The following HEPH variants were observed in gnomAD, a reference collection of about 807,000 sequenced individuals.
The protein encoded by HEPH is hephaestin.
A neutral mutation model predicts 80.8 loss-of-function variants in HEPH; 69 were observed. The ratio of observed to expected loss-of-function variants is 0.85; its 90% CI spans 0.70 to 1.04. HEPH has a LOEUF of 1.04. HEPH is among the 50% of genes least tolerant of loss of function. The pLI is 0.00. For synonymous variants in HEPH, 431 were observed against 322.8 expected (o/e 1.34, Z -3.60); for missense variants, 1,115 against 891.3 (o/e 1.25, Z -3.20).
intron 19 of HEPH, among the ~76,000 whole-genome samples, chrX:66,260,958 G>T (rs2091340979): frequency 9.0e-6 from 1 of 110,891 alleles, no homozygotes; most frequent in African/African-American, 3.3e-5. Context: ...GTAGAGAAGG[G>T]GGTCTACCTA....
chrX:66,207,810 C>G (rs1047044949), intron 14 of HEPH, among the ~76,000 whole-genome samples: 9 of 111,445 alleles, frequency 8.1e-5, no homozygotes, highest in African/African-American at 2.9e-4. Context: ...GTCAATGATT[C>G]CACAGCACCT....
intron 15 of HEPH, among the ~76,000 whole-genome samples, chrX:66,223,468 C>G (rs1313116631): frequency 9.0e-6 from 1 of 111,629 alleles, no homozygotes; most frequent in Non-Finnish European, 1.9e-5. Flanking sequence ...TAATGTTAAA[C>G]TTAGTTTTAG....
intron 15 of HEPH, among the ~76,000 whole-genome samples, chrX:66,208,631 CATATATATATATATATATATATAT>C (rs56924616): frequency 0.034 from 1,195 of 35,120 alleles, 38 homozygotes; most frequent in African/African-American, 0.077. Flanking sequence ...TATATACATA[CATATATATATATATATATATATAT>C]ATATATATAT....
At chrX:66,239,274 G>A (rs890382258) in intron 15 of HEPH, among the ~76,000 whole-genome samples, 9 of 111,615 alleles carry the variant, frequency 8.1e-5, no homozygotes, top group Admixed American at 4.8e-4. Flanking sequence ...ATTTGTTGGG[G>A]ACCAGGAATA....
At position 66,266,524 on chromosome X, in the gene HEPH, C is replaced by T. The variant is rs750168109; in HGVS notation, c.3329C>T (p.Ser1110Phe). The change falls in exon 21 of 21, where the codon TCT becomes TTT. Residue 1110 changes from serine to phenylalanine, a missense_variant. Ser to Phe is a radical substitution (Grantham distance 155, BLOSUM62 -2). Around this residue, in one of 3 missense-constraint regions of HEPH, gnomAD observed 716 missense variants for 523.5 expected, o/e 1.37. Coordinates refer to ENST00000343002, the MANE Select transcript of HEPH (RefSeq NM_001367233.3). Reference protein sequence around the residue: ...IPIKNVEMLASVLVAISVTLL... With the variant: ...IPIKNVEMLAFVLVAISVTLL... ...ATAAAGAATGTTGAGATGCTGGCCT[C>T]TGTTTTGGTTGCCATTAGTGTCACC... 8.3e-6 allele frequency: 10 copies of T among 1,209,628 alleles called. No individual in the cohort carries two copies. In the South Asian group the frequency reaches 1.2e-4, roughly 15 times the overall value.
chrX:66,177,716 T>G (rs1304441724), intron 4 of HEPH, among the ~76,000 whole-genome samples: 1 of 111,845 alleles, frequency 8.9e-6, no homozygotes, highest in Non-Finnish European at 1.9e-5. Flanking sequence ...TCAATTTCAT[T>G]TAGTTTTTCT....
chrX:66,256,575 A>G (rs1465614065), intron 17 of HEPH, among the ~76,000 whole-genome samples: 1 of 111,987 alleles, frequency 8.9e-6, no homozygotes, highest in African/African-American at 3.2e-5. Flanking sequence ...GTAAATTGCC[A>G]TGGCGATACC....
intron 15 of HEPH, among the ~76,000 whole-genome samples, chrX:66,221,498 G>C (rs762606143): frequency 1.2e-4 from 14 of 112,607 alleles, no homozygotes; most frequent in Admixed American, 2.8e-4. Flanking sequence ...GGGTTATTTT[G>C]TCTGCTTCTT....
At position 66,198,905 on chromosome X, in the gene HEPH, C is replaced by T. The variant is rs749588901; in HGVS notation, c.1741C>T (p.Leu581Phe). 5.8e-6 allele frequency: 7 copies of T among 1,201,354 alleles called. No individual in the cohort carries two copies. In the South Asian group the frequency reaches 1.1e-4, roughly 18 times the overall value. The change falls in exon 11 of 21, where the codon CTC becomes TTC. Residue 581 changes from leucine to phenylalanine, a missense_variant. This residue lies in a region of HEPH where 716 missense variants were observed against 523.5 expected (regional missense o/e 1.37). Coordinates refer to ENST00000343002, the MANE Select transcript of HEPH (RefSeq NM_001367233.3). ...AGGGGTGGATAAAGAATTCTTTCTTCTCTTCACTGTGTTGGATGAGAACAA... is the reference window on the plus strand; with the variant it reads ...AGGGGTGGATAAAGAATTCTTTCTTTTCTTCACTGTGTTGGATGAGAACAA... ...QKGVDKEFFL[L>F]FTVLDENKSW...
At chrX:66,234,310 A>T (rs761682518) in intron 15 of HEPH, among the ~76,000 whole-genome samples, 1 of 111,574 alleles carries the variant, frequency 9.0e-6, no homozygotes, top group South Asian at 3.8e-4. Context: ...AAAAAAATCC[A>T]ATCTACTATT....
At position 66,206,339 on chromosome X, in the gene HEPH, CTTTTTTTTTTTTTTTTTTTT is replaced by C. The variant is rs760184190; in HGVS notation, c.2292-832_2292-813del. 1.6e-3 allele frequency among the ~76,000 whole-genome samples: 22 copies of C among 14,079 alleles called. No homozygotes were observed. The South Asian group carries it at 0.022, about 14-fold the overall frequency. 12.2% of individuals were successfully genotyped at this position (14,079 alleles called of 115,157 possible). ...GATGGCAAACAAGGAAACCTGCCATCTTTTTTTTTTTTTTTTTTTTTTTTTTTTTTTTTTTTTTTTTTTGA... is the reference window on the plus strand; with the variant it reads ...GATGGCAAACAAGGAAACCTGCCATCTTTTTTTTTTTTTTTTTTTTTTTGA... On this transcript the variant is annotated intron_variant, in intron 13 of 20. Coordinates refer to ENST00000343002, the MANE Select transcript of HEPH (RefSeq NM_001367233.3).
chrX:66,260,123 T>C lies in HEPH; in HGVS notation c.3060T>C (p.Asp1020=), dbSNP rs770136938. The C allele has an allele frequency of 1.7e-6, 2 of 1,206,394 alleles. No individual in the cohort carries two copies. The highest frequency in any genetic ancestry group is 3.5e-5 in the African/African-American group (2 of 56,574). ...LYRNGENYRA[D]VVDLFPGTFE... ...AGAATGGCGAGAACTACCGGGCAGA[T>C]GTGGTGGATCTGTTCCCAGGGACTT... The change falls in exon 19 of 21, where the codon GAT becomes GAC. Residue 1020 remains aspartate, a synonymous_variant. Transcript: ENST00000343002.
intron 5 of HEPH, among the ~76,000 whole-genome samples, 159 bp from the exon 6 acceptor site, chrX:66,189,525 G>A (rs1483058275): frequency 9.0e-6 from 1 of 111,396 alleles, no homozygotes; most frequent in Non-Finnish European, 1.9e-5. Flanking sequence ...CTATTTCTCA[G>A]GGATGTTTTT....
intron 8 of HEPH, among the ~76,000 whole-genome samples, chrX:66,194,088 T>C (rs1293779237): frequency 1.2e-4 from 13 of 111,736 alleles, no homozygotes; most frequent in Non-Finnish European, 2.4e-4. Flanking sequence ...CAGAATAGGC[T>C]TAGAGTCTGA....
At position 66,231,956 on chromosome X, in the gene HEPH, A is replaced by G. The variant is rs2090164038; in HGVS notation, c.2564-23079A>G. Among the ~76,000 whole-genome samples, 3 of 110,843 alleles carry G rather than the reference A, an allele frequency of 2.7e-5. No individual in the cohort carries two copies. The Admixed American group carries it at 2.9e-4, about 11-fold the overall frequency. ...TATTATTTTGAAGTACGTCCCATGA[A>G]TACCTAATTTATTGAGAGTTTTTAG... On this transcript the variant is annotated intron_variant, in intron 15 of 20. Coordinates refer to ENST00000343002, the MANE Select transcript of HEPH (RefSeq NM_001367233.3).
Position 66,173,618 on chromosome X carries a change from C to G in HEPH, c.442C>G (p.Pro148Ala), listed in dbSNP as rs1375573573. 2.5e-6 allele frequency: 3 copies of G among 1,208,191 alleles called. No homozygotes were observed. Among genetic ancestry groups the G allele is most frequent in the Non-Finnish European group, 3.4e-6 (3 of 894,029 alleles). ...GSLYPDGSSG[P>A]LKADDSVPPG... ...CCTATACCCAGATGGCTCCTCTGGG[C>G]CACTGAAAGCTGATGACTCTGTTCC... The change falls in exon 4 of 21, where the codon CCA becomes GCA. Residue 148 changes from proline (P) to alanine (A), a missense_variant. Transcript: ENST00000343002.
intron 19 of HEPH, among the ~76,000 whole-genome samples, chrX:66,262,675 C>T (rs2091407758): frequency 9.0e-6 from 1 of 111,496 alleles, no homozygotes; most frequent in South Asian, 3.8e-4. Flanking sequence ...TATTGCAACA[C>T]TCTTGGTAGA....
At chrX:66,212,206 T>C (rs1350314236) in intron 15 of HEPH, among the ~76,000 whole-genome samples, 2 of 108,372 alleles carry the variant, frequency 1.8e-5, no homozygotes, top group African/African-American at 6.7e-5. Flanking sequence ...TTTTTCCTCT[T>C]AACTTGCTTG....
intron 15 of HEPH, among the ~76,000 whole-genome samples, chrX:66,213,109 G>A (rs184351745): frequency 1.8e-5 from 2 of 109,061 alleles, no homozygotes; most frequent in East Asian, 5.7e-4. Context: ...ATGTATACAT[G>A]TGACATGCTG....
Sources: gnomAD v4.1 joint callset for allele counts (sites outside exome capture counted in the v4.1 genomes callset) on GRCh38, gnomAD v4.1.1 for gene constraint, gnomAD v4.1.1 regional missense constraint, MANE v1.5 for transcripts, NCBI Gene and HGNC (gene_info 2026-07-23, HGNC 2026-07-21) for gene names.